Variants in CEACAM1 observed in about 807,000 individuals in gnomAD.
CEACAM1 encodes the protein cell adhesion molecule CEACAM1.
CEACAM1 carries 31 observed loss-of-function variants against 49.1 expected under a neutral mutation model. The ratio of observed to expected loss-of-function variants is 0.63; its 90% CI spans 0.47 to 0.85. The LOEUF is 0.85. Ranked by LOEUF, CEACAM1 falls within the 40% of genes least tolerant of loss-of-function variation. CEACAM1 has a pLI of 0.00. For missense variants in CEACAM1, 570 were observed against 645.3 expected (o/e 0.88, Z 1.26); for synonymous variants, 244 against 247.8 (o/e 0.98, Z 0.14).
intron 8 of CEACAM1, among the ~76,000 whole-genome samples, chr19:42,510,492 G>A (rs528711067): frequency 6.6e-6 from 1 of 152,346 alleles, no homozygotes; most frequent in South Asian, 2.1e-4. Flanking sequence ...CTGAAGGTAG[G>A]GGAGTGAGAA....
chr19:42,526,430 A>G (rs1355969602), intron 2 of CEACAM1, among the ~76,000 whole-genome samples: 1 of 152,122 alleles, frequency 6.6e-6, no homozygotes, highest in Non-Finnish European at 1.5e-5. Flanking sequence ...GAGCTTGTCC[A>G]TCTGTCCTCT....
At chr19:42,515,928 G>A (rs1436463371) in intron 5 of CEACAM1, among the ~76,000 whole-genome samples, 1 of 152,002 alleles carries the variant, frequency 6.6e-6, no homozygotes, top group Non-Finnish European at 1.5e-5. Context: ...AATCTGAATA[G>A]ACCTATAACC....
intron 2 of CEACAM1, among the ~76,000 whole-genome samples, chr19:42,524,732 GCAGA>G (rs2041846608): frequency 6.6e-6 from 1 of 152,178 alleles, no homozygotes; most frequent in Non-Finnish European, 1.5e-5. Context: ...ACATGGAGGA[GCAGA>G]GAGAGTCAGA....
chr19:42,511,621 C>T lies in CEACAM1; in HGVS notation c.1384G>A (p.Asp462Asn), dbSNP rs763395302. 27 of 1,613,726 alleles carry T rather than the reference C, an allele frequency of 1.7e-5. 1 individual carries two copies. The highest frequency in any genetic ancestry group is 1.5e-4 in the South Asian group (14 of 91,050). ...TTGTGCTCTGTGAGATCACGCTGGT[C>T]GCTTGCCCTAAATAAATATCAGAAA... ...LHFGKTGRAS[D>N]QRDLTEHKPS... is the part of the protein sequence containing the mutation. Residue 462 changes from aspartate to asparagine, a missense_variant, in exon 7 of 9, where the codon GAC becomes AAC. By Grantham distance (23) the Asp-to-Asn change is conservative. Transcript: ENST00000161559.
intron 1 of CEACAM1, chr19:42,527,758 G>T: frequency 4.3e-6 from 1 of 233,838 alleles, no homozygotes; most frequent in African/African-American, 2.3e-5. Flanking sequence ...TTTCTGCTCT[G>T]TTCCCTCCAG....
At chr19:42,518,489 C>G (rs1568656817) in intron 5 of CEACAM1, 1 of 166,830 alleles carries the variant, frequency 6.0e-6, no homozygotes, top group African/African-American at 2.5e-5. Flanking sequence ...GATTCAGAGC[C>G]TGAGCTCTTT....
intron 4 of CEACAM1, 81 bp downstream of exon 4, chr19:42,521,186 A>G (rs2041735962): frequency 6.5e-7 from 1 of 1,533,996 alleles, no homozygotes; most frequent in Non-Finnish European, 8.9e-7. Context: ...GCTGCAAAAG[A>G]AAATTTCTTC....
In CEACAM1 at chr19:42,525,020, G is replaced by A. The variant is rs1297229086; in HGVS notation, c.424+2021C>T. ...CAGATCCAGTCTCTAAAGAGGTTATGGATCATTCAATCATTCATTCATTCG... is the reference window on the plus strand; with the variant it reads ...CAGATCCAGTCTCTAAAGAGGTTATAGATCATTCAATCATTCATTCATTCG... On this transcript the variant is annotated intron_variant, in intron 2 of 8. Transcript: ENST00000161559. 2.6e-5 allele frequency among the ~76,000 whole-genome samples: 4 copies of A among 152,100 alleles called. No individual in the cohort carries two copies. The South Asian group carries it at 8.3e-4, about 32-fold the overall frequency.
At chr19:42,509,291 GT>G (rs2041397431) in intron 8 of CEACAM1, 63 bp from the exon 9 acceptor site, 1 of 1,534,404 alleles carries the variant, frequency 6.5e-7, no homozygotes, top group African/African-American at 1.4e-5. Context: ...ACCTTGCCTG[GT>G]GTGATTCAGC....
At chr19:42,526,609 C>T (rs1380979253) in intron 2 of CEACAM1, among the ~76,000 whole-genome samples, 1 of 152,208 alleles carries the variant, frequency 6.6e-6, no homozygotes, top group Non-Finnish European at 1.5e-5. Context: ...CTGGCCCAGG[C>T]TCCTCAGGGT....
At chr19:42,526,945 C>T in intron 2 of CEACAM1, 96 bp downstream of exon 2, 1 of 1,543,782 alleles carries the variant, frequency 6.5e-7, no homozygotes, top group Non-Finnish European at 8.7e-7. Context: ...GGGTATAATG[C>T]AGAGGAGGAC....
At chr19:42,518,461 C>CTAAGTATA (rs1404707918) in intron 5 of CEACAM1, 1 of 157,766 alleles carries the variant, frequency 6.3e-6, no homozygotes, top group Non-Finnish European at 1.4e-5. Context: ...AAAAAACCAA[C>CTAAGTATA]TAAGTATATG....
At chr19:42,514,640 G>A (rs957475911) in intron 5 of CEACAM1, among the ~76,000 whole-genome samples, 3 of 152,108 alleles carry the variant, frequency 2.0e-5, no homozygotes, top group Non-Finnish European at 4.4e-5. Flanking sequence ...AACTCAGGCT[G>A]GTGACTAATG....
chr19:42,522,461 G>A (rs1951893905), intron 2 of CEACAM1, among the ~76,000 whole-genome samples: 1 of 151,832 alleles, frequency 6.6e-6, no homozygotes, highest in Admixed American at 6.6e-5. Flanking sequence ...TGTTGCCCAG[G>A]CTGGTCTCAA....
In CEACAM1 at chr19:42,512,457, A is replaced by C. The variant is rs749891689; in HGVS notation, c.1269T>G (p.Asn423Lys). Reference protein sequence around the residue: ...NVNYNALPQENGLSPGAIAGI... With the variant: ...NVNYNALPQEKGLSPGAIAGI... ...CAGCAATGGCCCCAGGTGAGAGGCC[A>C]TTTTCTTGTGGTAGAGCATTATCTG... Residue 423 changes from asparagine to lysine, a missense_variant, in exon 6 of 9, where the codon AAT becomes AAG. By Grantham distance (94) the Asn-to-Lys change is moderately conservative. Coordinates refer to ENST00000161559, the MANE Select transcript of CEACAM1 (RefSeq NM_001712.5). The C allele has an allele frequency of 5.6e-6, 9 of 1,614,150 alleles. No individual in the cohort carries two copies. The highest frequency in any genetic ancestry group is 7.6e-6 in the Non-Finnish European group (9 of 1,179,986).
chr19:42,527,507 G>GTT lies in CEACAM1; in HGVS notation c.65-108_65-107insAA, dbSNP rs1555801157. On this transcript the variant is annotated intron_variant, in intron 1 of 8. Transcript: ENST00000161559. Reference sequence around the variant, plus strand: ...TGTCTTCACCCCTCCACCTTGGAGTGTGTGTGTGTGTGTGTGTGTGTGTGT... The same window carrying GTT: ...TGTCTTCACCCCTCCACCTTGGAGTGTTTGTGTGTGTGTGTGTGTGTGTGTGT... 1.3e-5 allele frequency: 3 copies of GTT among 227,240 alleles called. No homozygotes were observed. In the African/African-American group the frequency reaches 2.4e-4, roughly 18 times the overall value. 14.1% of individuals were successfully genotyped at this position (227,240 alleles called of 1,614,324 possible). A position where few individuals can be genotyped will look rare whatever the true frequency, so the allele number is the denominator to read the frequency against.
chr19:42,525,645 T>C (rs1010202420), intron 2 of CEACAM1: 4 of 152,216 alleles, frequency 2.6e-5, no homozygotes, highest in Admixed American at 2.6e-4. Context: ...GGGCTGCAGA[T>C]GCCTAAGAAG....
In CEACAM1 at chr19:42,521,276, T is replaced by C; in HGVS notation, c.949A>G (p.Ile317Val). 1 of 1,614,178 alleles carries C rather than the reference T, an allele frequency of 6.2e-7. No individual in the cohort carries two copies. The highest frequency in any genetic ancestry group is 8.5e-7 in the Non-Finnish European group (1 of 1,179,984). ...TCCAGGAATTACTTACCAGTGACTA[T>C]GATCGTCTTGACTGTGGTCCTGTTG... ...GCNRTTVKTIIVTELSPVVAK... is the reference protein window; with the variant it reads ...GCNRTTVKTIVVTELSPVVAK... The change falls in exon 4 of 9, where the codon ATA (isoleucine) becomes GTA (valine). Residue 317 changes from isoleucine to valine, a missense_variant. Coordinates refer to ENST00000161559, the MANE Select transcript of CEACAM1 (RefSeq NM_001712.5).
rs143222169 is a variant in CEACAM1 at position 42,527,317 on chromosome 19, C to G, written c.148G>C (p.Glu50Gln). The change falls in exon 2 of 9, where the codon GAG becomes CAG. Residue 50 changes from glutamate to glutamine, a missense_variant. Glu to Gln is a conservative substitution (Grantham distance 29). Coordinates refer to ENST00000161559, the MANE Select transcript of CEACAM1 (RefSeq NM_001712.5). ...SMPFNVAEGK[E>Q]VLLLVHNLPQ... is the part of the protein sequence containing the mutation. ...AGATTGTGGACAAGGAGAAGAACCT[C>G]CTTCCCCTCTGCAACATTGAATGGC... 57 of 1,614,116 alleles carry G rather than the reference C, an allele frequency of 3.5e-5. No individual in the cohort carries two copies. The highest frequency in any genetic ancestry group is 4.0e-5 in the Non-Finnish European group (47 of 1,179,986).
Sources: allele counts gnomAD v4.1 joint callset (sites outside exome capture counted in the v4.1 genomes callset), GRCh38; gene constraint gnomAD v4.1.1; transcripts MANE v1.5; gene names NCBI Gene and HGNC (gene_info 2026-07-23, HGNC 2026-07-21).